Variants in CLTA observed in about 807,000 individuals in gnomAD.
CLTA encodes clathrin, light polypeptide (Lca).
Under a neutral mutation model 26.9 loss-of-function variants are expected in CLTA, and 9 were observed. The ratio of observed to expected loss-of-function variants is 0.33; its 90% CI spans 0.20 to 0.58. The LOEUF (loss-of-function observed/expected upper bound fraction) is 0.58, where lower values mean the gene tolerates loss of function less well. CLTA is among the 20% of genes least tolerant of loss of function. The pLI is 0.85. For missense variants in CLTA, 278 were observed against 294.2 expected, an observed-to-expected ratio of 0.94 and a Z score of 0.40; for synonymous variants, 120 against 115.5, an observed-to-expected ratio of 1.04 and a Z score of -0.25.
chr9:36,197,682 T>G, intron 2 of CLTA, 94 bp downstream of exon 2: 1 of 921,152 alleles, frequency 1.1e-6, no homozygotes, highest in South Asian at 1.6e-5. Context: ...ACCCCAGTCC[T>G]TTGACTTTCC....
At position 36,211,637 on chromosome 9, in the gene CLTA, G is replaced by C. The variant is rs141872889; in HGVS notation, c.520G>C (p.Glu174Gln). Residue 174 changes from glutamate to glutamine, a missense_variant, in exon 5 of 5, where the codon GAG (glutamate) becomes CAG (glutamine). Glu to Gln is a conservative substitution (Grantham distance 29). Coordinates refer to ENST00000345519, the MANE Select transcript of CLTA (RefSeq NM_001833.4). ...AEEAFVNDID[E>Q]SSPGTEWERV... ...AGAAGCCTTTGTAAATGACATTGACGAGTCGTCCCCAGGCACTGAGTGGGA... is the reference window on the plus strand; with the variant it reads ...AGAAGCCTTTGTAAATGACATTGACCAGTCGTCCCCAGGCACTGAGTGGGA... 3 of 1,613,682 alleles carry C rather than the reference G, an allele frequency of 1.9e-6. No individual in the cohort carries two copies. Among genetic ancestry groups the C allele is most frequent in the Non-Finnish European group, 2.5e-6 (3 of 1,179,710 alleles).
At chr9:36,207,841 G>A (rs1207273226) in intron 4 of CLTA, among the ~76,000 whole-genome samples, 2 of 152,310 alleles carry the variant, frequency 1.3e-5, no homozygotes, top group East Asian at 3.9e-4. Flanking sequence ...AAATCGATCA[G>A]GTTTAGTCCT....
intron 4 of CLTA, chr9:36,210,529 A>G (rs1346469711): frequency 4.4e-6 from 7 of 1,593,702 alleles, no homozygotes; most frequent in African/African-American, 1.3e-5. Context: ...TGGCAAGGGC[A>G]TGTCCAGCTT....
intron 4 of CLTA, chr9:36,210,527 G>A: frequency 1.9e-6 from 3 of 1,589,274 alleles, no homozygotes; most frequent in Non-Finnish European, 2.6e-6. Context: ...AGTGGCAAGG[G>A]CATGTCCAGC....
At chr9:36,209,621 A>G (rs1359258510) in intron 4 of CLTA, among the ~76,000 whole-genome samples, 2 of 151,952 alleles carry the variant, frequency 1.3e-5, no homozygotes, top group Non-Finnish European at 2.9e-5. Context: ...GCTCGGGGGA[A>G]CTCTGCTCTC....
chr9:36,191,224 C>A lies in CLTA; in HGVS notation c.168C>A (p.Asp56Glu), dbSNP rs940300742. ...ACGACGAGGCCTTCGCCATCCTGGA[C>A]GGCGGCGCCCCCGGGCCCCAGCCGC... Reference protein sequence around the residue: ...IENDEAFAILDGGAPGPQPHG... With the variant: ...IENDEAFAILEGGAPGPQPHG... Residue 56 changes from aspartate to glutamate, a missense_variant, in exon 1 of 5, where the codon GAC becomes GAA. Physicochemically the swap from Asp to Glu is conservative, Grantham distance 45. Coordinates refer to ENST00000345519, the MANE Select transcript of CLTA (RefSeq NM_001833.4). 2.2e-5 allele frequency: 34 copies of A among 1,547,166 alleles called. No individual in the cohort carries two copies. The highest frequency in any genetic ancestry group is 2.9e-5 in the Non-Finnish European group (33 of 1,150,502).
chr9:36,195,247 A>G (rs1826953375), intron 1 of CLTA, among the ~76,000 whole-genome samples: 2 of 152,244 alleles, frequency 1.3e-5, no homozygotes, highest in South Asian at 4.1e-4. Flanking sequence ...CCTTCAGCAT[A>G]AAAGCAGATA....
intron 1 of CLTA, among the ~76,000 whole-genome samples, chr9:36,197,035 C>T (rs745530710): frequency 1.3e-5 from 2 of 152,130 alleles, no homozygotes; most frequent in Non-Finnish European, 1.5e-5. Flanking sequence ...ATTATCCAGG[C>T]GTGGTGGCGC....
In CLTA at chr9:36,207,308, G is replaced by A. The variant is rs1443219924; in HGVS notation, c.485+3129G>A. Among the ~76,000 whole-genome samples the A allele has an allele frequency of 3.9e-5, 6 of 152,352 alleles. No individual in the cohort carries two copies. In the East Asian group the frequency reaches 9.6e-4, roughly 25 times the overall value. On this transcript the variant is annotated intron_variant, in intron 4 of 4. Coordinates refer to ENST00000345519, the MANE Select transcript of CLTA (RefSeq NM_001833.4). ...TTCATAGCCAGCCAGCCAGAGCAGT[G>A]ACTGACTCCTGCAGCTGGATGAGTT...
intron 3 of CLTA, among the ~76,000 whole-genome samples, chr9:36,203,232 A>G (rs1225029792): frequency 6.6e-6 from 1 of 152,108 alleles, no homozygotes; most frequent in Non-Finnish European, 1.5e-5. Flanking sequence ...TTCATGTTTC[A>G]TGTTTGAGAA....
Position 36,191,167 on chromosome 9 carries a change from G to A in CLTA, c.111G>A (p.Ala37=). Reference sequence around the variant, plus strand: ...AAGACCCGGCTGCGGCCTTCTTGGCGCAGCAAGAGAGCGAGATTGCGGGCA... The same window carrying A: ...AAGACCCGGCTGCGGCCTTCTTGGCACAGCAAGAGAGCGAGATTGCGGGCA... ...GEEDPAAAFL[A]QQESEIAGIE... Residue 37 remains alanine (A), a synonymous_variant, in exon 1 of 5, where the codon GCG becomes GCA. Transcript: ENST00000345519. 6.3e-7 allele frequency: 1 copy of A among 1,596,328 alleles called. No individual in the cohort carries two copies. Among genetic ancestry groups the A allele is most frequent in the Non-Finnish European group, 8.5e-7 (1 of 1,173,756 alleles).
chr9:36,209,776 G>C (rs1033262877), intron 4 of CLTA, among the ~76,000 whole-genome samples: 47 of 152,334 alleles, frequency 3.1e-4, no homozygotes, highest in African/African-American at 1.1e-3. Context: ...CAAAATCAGA[G>C]CTGTGGGGCA....
Position 36,211,990 on chromosome 9 carries a change from C to G in CLTA, c.*216C>G, listed in dbSNP as rs1240405108. On this transcript the variant is annotated 3_prime_UTR_variant, in exon 5 of 5. Coordinates refer to ENST00000345519, the MANE Select transcript of CLTA (RefSeq NM_001833.4). ...AGGAGGAAGAGGAAGGGGAGGGAAG[C>G]TTCCCAAGAGTAGCCTCAACCTGTG... The G allele has an allele frequency of 1.5e-6, 1 of 688,688 alleles. No individual in the cohort carries two copies. The highest frequency in any genetic ancestry group is 2.6e-6 in the Non-Finnish European group (1 of 378,794). The allele number at this position is 688,688 out of a possible 1,614,324, so 42.7% of individuals were successfully genotyped here.
intron 4 of CLTA, chr9:36,209,439 T>C (rs575815280): frequency 1.2e-4 from 93 of 785,934 alleles, no homozygotes; most frequent in African/African-American, 1.1e-3. Context: ...ATTGGCACTT[T>C]GGGGGCTGCC....
intron 1 of CLTA, among the ~76,000 whole-genome samples, chr9:36,192,374 T>G (rs1436191909): frequency 6.6e-6 from 1 of 152,230 alleles, no homozygotes; most frequent in Non-Finnish European, 1.5e-5. Flanking sequence ...CAGTCTCAAG[T>G]TACTGTGCCA....
intron 1 of CLTA, 29 bp from the exon 2 acceptor site, chr9:36,197,522 T>C (rs1430416430): frequency 1.3e-6 from 2 of 1,594,804 alleles, no homozygotes; most frequent in African/African-American, 2.7e-5. Context: ...CCAGTCCTTA[T>C]TGATAGACCA....
At chr9:36,205,303 G>C (rs1587238152) in intron 4 of CLTA, among the ~76,000 whole-genome samples, 1 of 152,184 alleles carries the variant, frequency 6.6e-6, no homozygotes, top group East Asian at 1.9e-4. Context: ...CCACAGGACT[G>C]CTCTCTGGTG....
chr9:36,192,852 C>G (rs1301230512), intron 1 of CLTA, among the ~76,000 whole-genome samples: 2 of 152,018 alleles, frequency 1.3e-5, no homozygotes, highest in African/African-American at 4.8e-5. Flanking sequence ...TGTGGCTGTC[C>G]CAGGTGGAAC....
chr9:36,210,660 A>G (rs375414823), intron 4 of CLTA: 2 of 1,613,998 alleles, frequency 1.2e-6, no homozygotes, highest in Admixed American at 1.7e-5. Context: ...AGCCTAGAAC[A>G]GTTAAGTAAA....
Sources: gnomAD v4.1 joint callset for allele counts (sites outside exome capture counted in the v4.1 genomes callset) on GRCh38, gnomAD v4.1.1 for gene constraint, MANE v1.5 for transcripts, NCBI Gene and HGNC (gene_info 2026-07-23, HGNC 2026-07-21) for gene names.